The following TBC1D4 variants were observed in gnomAD, a reference collection of about 807,000 sequenced individuals.
The protein encoded by TBC1D4 is TBC1 domain family member 4.
TBC1D4 carries 121 observed loss-of-function variants against 142.5 expected under a neutral mutation model. The observed-to-expected ratio is 0.85, with a 90% CI of 0.73 to 0.99. TBC1D4 has a LOEUF of 0.99. Ranked by LOEUF, TBC1D4 falls within the 50% of genes least tolerant of loss-of-function variation. TBC1D4 has a pLI of 0.00. For synonymous variants in TBC1D4, 630 were observed against 628.2 expected (o/e 1.00, Z -0.04); for missense variants, 1,475 against 1,606.6 (o/e 0.92, Z 1.40).
intron 1 of TBC1D4, among the ~76,000 whole-genome samples, chr13:75,435,922 C>A (rs1213412983): frequency 6.6e-6 from 1 of 152,160 alleles, no homozygotes; most frequent in Non-Finnish European, 1.5e-5. Context: ...TGAATCCACA[C>A]TGATATAAAC....
chr13:75,410,935 C>A (rs1593857150), intron 1 of TBC1D4, among the ~76,000 whole-genome samples: 6 of 63,234 alleles, frequency 9.5e-5, no homozygotes, highest in African/African-American at 3.9e-4. Flanking sequence ...GACTCCGTCT[C>A]AAAAAAAAAA....
intron 1 of TBC1D4, among the ~76,000 whole-genome samples, chr13:75,416,318 T>TA (rs1018838860): frequency 9.9e-5 from 15 of 152,188 alleles, no homozygotes; most frequent in African/African-American, 3.6e-4. Flanking sequence ...ACTCTGAAAT[T>TA]AAAGTTTCCT....
chr13:75,369,497 TCA>T (rs67470405), intron 1 of TBC1D4, among the ~76,000 whole-genome samples: 10 of 150,528 alleles, frequency 6.6e-5, no homozygotes, highest in Non-Finnish European at 1.2e-4. Flanking sequence ...AGACCCTGTC[TCA>T]CACACACACA....
At position 75,309,907 on chromosome 13, in the gene TBC1D4, A is replaced by G. The variant is rs763362401; in HGVS notation, c.2593+35T>C. On this transcript the variant is annotated intron_variant, in intron 14 of 20. Coordinates refer to ENST00000377636, the MANE Select transcript of TBC1D4 (RefSeq NM_014832.5). Reference sequence around the variant, plus strand: ...GGTTTAACATACACCCTTCAATCATAGCATCATAGCATTTAGTCTGTTAAA... The same window carrying G: ...GGTTTAACATACACCCTTCAATCATGGCATCATAGCATTTAGTCTGTTAAA... 15 of 1,606,272 alleles carry G rather than the reference A, an allele frequency of 9.3e-6. No individual in the cohort carries two copies. In the African/African-American group the frequency reaches 1.1e-4, roughly 11 times the overall value.
chr13:75,359,816 AT>A lies in TBC1D4; in HGVS notation c.1122del (p.Lys374AsnfsTer5). 1 of 1,613,682 alleles carries A rather than the reference AT, an allele frequency of 6.2e-7. No homozygotes were observed. Among genetic ancestry groups the A allele is most frequent in the African/African-American group, 1.3e-5 (1 of 75,012 alleles). ...TTAAAATTCTTTTCTAGCACAACTGATTTAGTGTCTGGACTGATAAGGTTAA... is the reference window on the plus strand; with the variant it reads ...TTAAAATTCTTTTCTAGCACAACTGATTAGTGTCTGGACTGATAAGGTTAA... ...FEINLISPDT[K>X]SVVLEKNFKD... is the part of the protein sequence containing the mutation. On this transcript the variant is annotated frameshift_variant, in exon 3 of 21. Coordinates refer to ENST00000377636, the MANE Select transcript of TBC1D4 (RefSeq NM_014832.5). LOFTEE classifies it high-confidence loss of function.
chr13:75,439,571 C>G lies in TBC1D4; in HGVS notation c.498+41699G>C, dbSNP rs138053241. Among the ~76,000 whole-genome samples, 1,424 of 152,216 alleles carry G rather than the reference C, an allele frequency of 9.4e-3. 27 individuals are homozygous for G. The highest frequency in any genetic ancestry group is 0.033 in the African/African-American group (1,357 of 41,516). ...ACTTATTCTTGCTTAGAATATATTC[C>G]TCAATCTATGCTTCTTTATTTCAAT... is the stretch of plus-strand genomic sequence containing the variant. On this transcript the variant is annotated intron_variant, in intron 1 of 20. Transcript: ENST00000377636.
At chr13:75,366,211 CAAT>C (rs1448490724) in intron 1 of TBC1D4, among the ~76,000 whole-genome samples, 3 of 152,134 alleles carry the variant, frequency 2.0e-5, no homozygotes, top group Admixed American at 6.6e-5. Context: ...TAACACAAAA[CAAT>C]GATACTGAAA....
intron 1 of TBC1D4, among the ~76,000 whole-genome samples, chr13:75,408,170 A>T (rs1037559465): frequency 1.3e-5 from 2 of 152,144 alleles, no homozygotes; most frequent in Non-Finnish European, 2.9e-5. Flanking sequence ...TATAGATTTA[A>T]CTATTCTGGA....
chr13:75,451,813 T>C (rs1217941688), intron 1 of TBC1D4, among the ~76,000 whole-genome samples: 1 of 150,550 alleles, frequency 6.6e-6, no homozygotes. Context: ...GCATGCAATA[T>C]ATATTTTATA....
At chr13:75,405,269 C>CTTT (rs5804811) in intron 1 of TBC1D4, among the ~76,000 whole-genome samples, 2,591 of 126,824 alleles carry the variant, frequency 0.02, 107 homozygotes, top group African/African-American at 0.053. Context: ...TGTATATATG[C>CTTT]TTTTTTTTTT....
intron 14 of TBC1D4, among the ~76,000 whole-genome samples, chr13:75,306,966 T>C (rs1877247821): frequency 6.6e-6 from 1 of 152,190 alleles, no homozygotes; most frequent in African/African-American, 2.4e-5. Flanking sequence ...TTCTCTTTCG[T>C]TTGTTTTTGC....
At chr13:75,299,990 A>G (rs1876366724) in intron 16 of TBC1D4, among the ~76,000 whole-genome samples, 1 of 152,152 alleles carries the variant, frequency 6.6e-6, no homozygotes, top group Non-Finnish European at 1.5e-5. Context: ...AGTCTGTAAG[A>G]CATATTATAT....
chr13:75,370,111 G>C, intron 1 of TBC1D4, among the ~76,000 whole-genome samples: 1 of 152,168 alleles, frequency 6.6e-6, no homozygotes, highest in East Asian at 1.9e-4. Flanking sequence ...ATAAATATCA[G>C]AGGGAGGAAT....
At chr13:75,407,921 C>A (rs1314166138) in intron 1 of TBC1D4, among the ~76,000 whole-genome samples, 1 of 151,942 alleles carries the variant, frequency 6.6e-6, no homozygotes, top group Non-Finnish European at 1.5e-5. Context: ...GGGGAACGAG[C>A]CGGGAAATCT....
chr13:75,451,685 A>C (rs1399366375), intron 1 of TBC1D4, among the ~76,000 whole-genome samples: 1 of 149,770 alleles, frequency 6.7e-6, no homozygotes, highest in Non-Finnish European at 1.5e-5. Context: ...ATCTCAAAAA[A>C]AAACTCCAAA....
intron 18 of TBC1D4, 103 bp downstream of exon 18, chr13:75,294,751 G>T: frequency 7.7e-7 from 1 of 1,295,606 alleles, no homozygotes; most frequent in Non-Finnish European, 1.1e-6. Context: ...TTGCTATTCT[G>T]TATAACACAT....
intron 1 of TBC1D4, among the ~76,000 whole-genome samples, chr13:75,431,586 C>T (rs545438173): frequency 6.6e-6 from 1 of 152,272 alleles, no homozygotes; most frequent in East Asian, 1.9e-4. Flanking sequence ...AGGATCCCAA[C>T]CTTTGGTCTG....
rs931027133 is a variant in TBC1D4 at position 75,286,751 on chromosome 13, T to C, written c.*41A>G. ...ACATGCAGGCTCTTCCTCTCTGTAG[T>C]ATTCTAAGGAGCACTTTCTGCTGAG... is the stretch of plus-strand genomic sequence containing the variant. On this transcript the variant is annotated 3_prime_UTR_variant, in exon 21 of 21. Coordinates refer to ENST00000377636, the MANE Select transcript of TBC1D4 (RefSeq NM_014832.5). 2 of 1,587,080 alleles carry C rather than the reference T, an allele frequency of 1.3e-6. No homozygotes were observed. Among genetic ancestry groups the C allele is most frequent in the Non-Finnish European group, 1.7e-6 (2 of 1,160,550 alleles).
At chr13:75,449,550 C>T (rs1472854276) in intron 1 of TBC1D4, among the ~76,000 whole-genome samples, 1 of 150,982 alleles carries the variant, frequency 6.6e-6, no homozygotes, top group Non-Finnish European at 1.5e-5. Context: ...CACACACACA[C>T]ACACAGACGC....
Sources: gnomAD v4.1 joint callset for allele counts (sites outside exome capture counted in the v4.1 genomes callset) on GRCh38, gnomAD v4.1.1 for gene constraint, MANE v1.5 for transcripts, NCBI Gene and HGNC (gene_info 2026-07-23, HGNC 2026-07-21) for gene names.